FREM3: variants seen among roughly 807,000 people sequenced by gnomAD.
The protein encoded by FREM3 is FRAS1-related extracellular matrix protein 3.
Under a neutral mutation model 129.1 loss-of-function variants are expected in FREM3, and 105 were observed. The ratio of observed to expected loss-of-function variants is 0.81; its 90% confidence interval spans 0.69 to 0.96. FREM3 has a LOEUF of 0.96. Ranked by LOEUF, FREM3 falls within the 40% of genes least tolerant of loss-of-function variation. The probability of loss-of-function intolerance (pLI) is 0.00; values close to 1 mark genes in which losing one functional copy is unlikely to be tolerated. For missense variants in FREM3, 2,593 were observed against 2,666.3 expected (o/e 0.97, Z 0.61); for synonymous variants, 1,014 against 1,044.9 (o/e 0.97, Z 0.57).
Position 143,696,907 on chromosome 4 carries a change from G to C in FREM3, c.3769C>G (p.Leu1257Val). 1 of 1,537,702 alleles carries C rather than the reference G, an allele frequency of 6.5e-7. No individual in the cohort carries two copies. The highest frequency in any genetic ancestry group is 8.7e-7 in the Non-Finnish European group (1 of 1,147,026). ...TGSQPIHSFT[L>V]KEIQEASTIV... is the part of the protein sequence containing the mutation. ...GTGGAGGCCTCCTGGATCTCCTTGA[G>C]GGTGAAGCTGTGGATGGGCTGGCTG... Residue 1257 changes from leucine to valine, a missense_variant, in exon 1 of 8, where the codon CTC (leucine) becomes GTC (valine). Coordinates refer to ENST00000329798, the MANE Select transcript of FREM3 (RefSeq NM_001168235.2).
At chr4:143,641,870 A>C (rs1439155015) in intron 2 of FREM3, among the ~76,000 whole-genome samples, 1 of 152,184 alleles carries the variant, frequency 6.6e-6, no homozygotes, top group Non-Finnish European at 1.5e-5. Flanking sequence ...AAAGCAATAA[A>C]CTGTCAAATT....
chr4:143,639,424 G>T (rs978480614), intron 2 of FREM3, among the ~76,000 whole-genome samples: 2 of 152,030 alleles, frequency 1.3e-5, no homozygotes, highest in Non-Finnish European at 2.9e-5. Context: ...CACTTACTTC[G>T]CAGGGCATCG....
intron 2 of FREM3, among the ~76,000 whole-genome samples, chr4:143,670,187 C>T (rs1578861561): frequency 6.6e-6 from 1 of 152,118 alleles, no homozygotes; most frequent in East Asian, 1.9e-4. Context: ...AAATTAAGTA[C>T]ATCTAGCACA....
chr4:143,579,917 C>T (rs1248063830), intron 7 of FREM3, among the ~76,000 whole-genome samples: 3 of 152,184 alleles, frequency 2.0e-5, no homozygotes, highest in African/African-American at 2.4e-5. Flanking sequence ...TTTATTAGTT[C>T]ATCCCTACCA....
chr4:143,636,729 T>C (rs1387022671), intron 2 of FREM3, among the ~76,000 whole-genome samples: 1 of 152,010 alleles, frequency 6.6e-6, no homozygotes, highest in Non-Finnish European at 1.5e-5. Context: ...AAAAGTGCAA[T>C]AATTTGAAAA....
intron 6 of FREM3, among the ~76,000 whole-genome samples, chr4:143,600,572 A>G (rs2149837296): frequency 6.6e-6 from 1 of 152,342 alleles, no homozygotes. Flanking sequence ...TGCAGTTGCC[A>G]TTTAAACTAT....
chr4:143,693,063 G>A, intron 2 of FREM3, 50 bp downstream of exon 2: 2 of 977,666 alleles, frequency 2.0e-6, no homozygotes, highest in Non-Finnish European at 2.9e-6. Flanking sequence ...CCAATTTTAT[G>A]TTGATTTTAG....
At chr4:143,664,616 A>C (rs1227224337) in intron 2 of FREM3, among the ~76,000 whole-genome samples, 1 of 152,132 alleles carries the variant, frequency 6.6e-6, no homozygotes, top group Admixed American at 6.6e-5. Flanking sequence ...CTCTCTTCAA[A>C]GCTGTCAGAC....
chr4:143,692,898 C>G (rs1740498784), intron 2 of FREM3, among the ~76,000 whole-genome samples: 1 of 152,142 alleles, frequency 6.6e-6, no homozygotes, highest in Admixed American at 6.5e-5. Flanking sequence ...TTCCTCATTG[C>G]TTTTTCTTCC....
chr4:143,591,818 CT>C (rs1226732298), intron 6 of FREM3, among the ~76,000 whole-genome samples: 5 of 152,164 alleles, frequency 3.3e-5, no homozygotes, highest in Admixed American at 3.3e-4. Flanking sequence ...TCTCACTGAT[CT>C]GTCTAATGTT....
intron 2 of FREM3, among the ~76,000 whole-genome samples, chr4:143,635,880 C>G (rs150169991): frequency 6.6e-6 from 1 of 152,186 alleles, no homozygotes; most frequent in African/African-American, 2.4e-5. Context: ...GTTTGATTTA[C>G]CATCACACTT....
chr4:143,613,528 T>C (rs1265699134), intron 5 of FREM3, among the ~76,000 whole-genome samples: 2 of 152,164 alleles, frequency 1.3e-5, no homozygotes, highest in Non-Finnish European at 2.9e-5. Flanking sequence ...GTTAGCAATA[T>C]AGAAAGGCTC....
At chr4:143,637,548 G>A (rs946689318) in intron 2 of FREM3, among the ~76,000 whole-genome samples, 6 of 151,924 alleles carry the variant, frequency 3.9e-5, no homozygotes, top group Admixed American at 1.3e-4. Context: ...ACTGTTCACC[G>A]GGTCTCCCTG....
chr4:143,640,947 A>G (rs1739311998), intron 2 of FREM3, among the ~76,000 whole-genome samples: 1 of 152,190 alleles, frequency 6.6e-6, no homozygotes, highest in Non-Finnish European at 1.5e-5. Context: ...TGATCATGTT[A>G]CATTGGTCAT....
intron 2 of FREM3, among the ~76,000 whole-genome samples, chr4:143,677,681 T>A (rs1452948591): frequency 6.6e-6 from 1 of 152,048 alleles, no homozygotes; most frequent in African/African-American, 2.4e-5. Context: ...TACAAAGAAT[T>A]CAAACAAATT....
chr4:143,676,370 T>G lies in FREM3; in HGVS notation c.5275+16743A>C, dbSNP rs535599641. Reference sequence around the variant, plus strand: ...TTCATGCTAAAAACTCTCAGTAAATTAGGTATTGTTAGGACGTATCTCAAA... The same window carrying G: ...TTCATGCTAAAAACTCTCAGTAAATGAGGTATTGTTAGGACGTATCTCAAA... On this transcript the variant is annotated intron_variant, in intron 2 of 7. Transcript: ENST00000329798. Among the ~76,000 whole-genome samples, 51 of 152,238 alleles carry G rather than the reference T, an allele frequency of 3.4e-4. 1 individual carries two copies. In the South Asian group the frequency reaches 0.01, roughly 30 times the overall value.
chr4:143,661,517 C>T (rs1739723228), intron 2 of FREM3, among the ~76,000 whole-genome samples: 1 of 151,712 alleles, frequency 6.6e-6, no homozygotes, highest in Non-Finnish European at 1.5e-5. Context: ...ATTTTTGCGT[C>T]AATGTTCATC....
Position 143,698,329 on chromosome 4 carries a change from G to C in FREM3, c.2347C>G (p.His783Asp). Residue 783 changes from histidine to aspartate, a missense_variant, in exon 1 of 8, where the codon CAT becomes GAT. By Grantham distance (81) the His-to-Asp change is moderately conservative (BLOSUM62 -1). This residue lies in a region of FREM3 where 2,276 missense variants were observed against 2,267.2 expected (regional missense o/e 1.00). Transcript: ENST00000329798. ...MHFTQAQVNQHKVAYQPPQKL... is the reference protein window; with the variant it reads ...MHFTQAQVNQDKVAYQPPQKL... Reference sequence around the variant, plus strand: ...TGTGGAGGCTGGTAGGCAACTTTATGCTGATTTACCTGGGCTTGGGTAAAG... The same window carrying C: ...TGTGGAGGCTGGTAGGCAACTTTATCCTGATTTACCTGGGCTTGGGTAAAG... 2.6e-6 allele frequency: 4 copies of C among 1,537,864 alleles called. No homozygotes were observed. The highest frequency in any genetic ancestry group is 3.5e-6 in the Non-Finnish European group (4 of 1,147,060).
At chr4:143,692,202 G>A (rs1199696263) in intron 2 of FREM3, among the ~76,000 whole-genome samples, 1 of 152,124 alleles carries the variant, frequency 6.6e-6, no homozygotes, top group Non-Finnish European at 1.5e-5. Flanking sequence ...ACATAGGTAT[G>A]AAGACCACCA....
Sources: gnomAD v4.1 joint callset for allele counts (sites outside exome capture counted in the v4.1 genomes callset) on GRCh38, gnomAD v4.1.1 for gene constraint, gnomAD v4.1.1 regional missense constraint, MANE v1.5 for transcripts, NCBI Gene and HGNC (gene_info 2026-07-23, HGNC 2026-07-21) for gene names.